NRXN3: variants seen among roughly 807,000 people sequenced by gnomAD.
NRXN3 encodes the protein neurexin 3, also known as neurexin III.
In NRXN3, 32 loss-of-function variants were observed where a neutral mutation model predicts 137.6. The observed-to-expected ratio is 0.23, with a 90% CI of 0.18 to 0.31. NRXN3 has a LOEUF of 0.31. Ranked by LOEUF, NRXN3 falls within the 10% of genes least tolerant of loss-of-function variation. The pLI is 1.00. For synonymous variants in NRXN3, 798 were observed against 784.5 expected (o/e 1.02, Z -0.29); for missense variants, 1,574 against 2,062.5 (o/e 0.76, Z 4.59).
intron 15 of NRXN3, among the ~76,000 whole-genome samples, chr14:79,369,130 A>G (rs1199187260): frequency 1.3e-5 from 2 of 152,230 alleles, no homozygotes; most frequent in Admixed American, 1.3e-4. Context: ...AGTGATGACG[A>G]GCAGTGTGAT....
intron 4 of NRXN3, among the ~76,000 whole-genome samples, chr14:78,628,567 C>G (rs1601592955): frequency 6.6e-6 from 1 of 152,250 alleles, no homozygotes. Context: ...TAACTTAAAG[C>G]CTTCAAGTAA....
intron 15 of NRXN3, among the ~76,000 whole-genome samples, chr14:79,325,587 T>C (rs2090732447): frequency 6.6e-6 from 1 of 152,216 alleles, no homozygotes; most frequent in African/African-American, 2.4e-5. Context: ...GTGGCTATTT[T>C]TAATTTGTCT....
intron 4 of NRXN3, among the ~76,000 whole-genome samples, chr14:78,626,059 T>A (rs1162788039): frequency 6.6e-6 from 1 of 152,166 alleles, no homozygotes; most frequent in African/African-American, 2.4e-5. Context: ...GAATTGGTCA[T>A]TGCCATTATT....
At chr14:79,733,976 A>G (rs1413238633) in intron 19 of NRXN3, among the ~76,000 whole-genome samples, 1 of 152,206 alleles carries the variant, frequency 6.6e-6, no homozygotes, top group Non-Finnish European at 1.5e-5. Context: ...TAGCTTCAGC[A>G]CAGTAAGAGT....
intron 1 of NRXN3, among the ~76,000 whole-genome samples, chr14:78,181,521 GCCTGGCCTGGGTC>G (rs1473613918): frequency 2.6e-5 from 4 of 152,210 alleles, no homozygotes; most frequent in Admixed American, 2.0e-4. Flanking sequence ...AAGCTGGTTT[GCCTGGCCTGGGTC>G]CCTGCTGCCC....
At chr14:79,070,511 T>A (rs1428300205) in intron 15 of NRXN3, among the ~76,000 whole-genome samples, 1 of 152,188 alleles carries the variant, frequency 6.6e-6, no homozygotes, top group African/African-American at 2.4e-5. Flanking sequence ...TTGTCCAATA[T>A]TCCAGCCACA....
chr14:78,933,619 A>G (rs557526506), intron 10 of NRXN3, among the ~76,000 whole-genome samples: 1 of 152,328 alleles, frequency 6.6e-6, no homozygotes, highest in Non-Finnish European at 1.5e-5. Context: ...CAATAATCAA[A>G]TGGTTAAATC....
chr14:78,365,727 C>T lies in NRXN3; in HGVS notation c.757+67867C>T, dbSNP rs934779694. The stretch of plus-strand genomic sequence containing the variant: ...TGAAAACTCAAGGATAGAATATTGT[C>T]GTTAGAATTTGATGTACTGAAGTTT... On this transcript the variant is annotated intron_variant, in intron 4 of 20. Coordinates refer to ENST00000335750, the MANE Select transcript of NRXN3 (RefSeq NM_001330195.2). 5.3e-5 allele frequency among the ~76,000 whole-genome samples: 8 copies of T among 152,226 alleles called. 1 individual carries two copies. Among genetic ancestry groups the T allele is most frequent in the Admixed American group, 2.0e-4 (3 of 15,282 alleles).
At chr14:78,355,595 T>C (rs1043729105) in intron 4 of NRXN3, among the ~76,000 whole-genome samples, 3 of 152,118 alleles carry the variant, frequency 2.0e-5, no homozygotes, top group Non-Finnish European at 4.4e-5. Context: ...ATTTTTGTAT[T>C]TTTTAGTAGA....
At chr14:79,787,796 T>G (rs2099133816) in intron 19 of NRXN3, among the ~76,000 whole-genome samples, 1 of 152,184 alleles carries the variant, frequency 6.6e-6, no homozygotes, top group Admixed American at 6.5e-5. Flanking sequence ...TTAAAAAATT[T>G]TATTCATCCA....
intron 2 of NRXN3, among the ~76,000 whole-genome samples, chr14:78,244,148 G>T (rs574234586): frequency 4.6e-5 from 7 of 152,124 alleles, no homozygotes; most frequent in African/African-American, 1.7e-4. Context: ...TGGGAATTTC[G>T]GCTAGGCAAG....
intron 8 of NRXN3, among the ~76,000 whole-genome samples, chr14:78,747,684 C>T (rs746995928): frequency 2.0e-5 from 3 of 152,130 alleles, no homozygotes; most frequent in Non-Finnish European, 2.9e-5. Flanking sequence ...CTTTTGGTAG[C>T]GCCTTTGCTT....
intron 15 of NRXN3, among the ~76,000 whole-genome samples, chr14:79,317,375 C>T (rs376408211): frequency 2.6e-5 from 4 of 152,182 alleles, no homozygotes; most frequent in South Asian, 2.1e-4. Flanking sequence ...ACTTTGATCA[C>T]GGCCTTGTTG....
At chr14:79,126,415 A>C (rs1482167017) in intron 15 of NRXN3, among the ~76,000 whole-genome samples, 1 of 149,874 alleles carries the variant, frequency 6.7e-6, no homozygotes, top group Admixed American at 6.7e-5. Context: ...ATGAGTGAGA[A>C]TATGCGGTGT....
At chr14:79,537,288 G>C (rs1223988630) in intron 16 of NRXN3, among the ~76,000 whole-genome samples, 2 of 150,852 alleles carry the variant, frequency 1.3e-5, no homozygotes, top group African/African-American at 4.9e-5. Context: ...CGTGTCCTTT[G>C]CCCACTTTTT....
At chr14:78,950,878 G>A (rs964866510) in intron 10 of NRXN3, among the ~76,000 whole-genome samples, 1 of 152,182 alleles carries the variant, frequency 6.6e-6, no homozygotes, top group African/African-American at 2.4e-5. Context: ...AATACCAGAA[G>A]TAGCCTTCTC....
At chr14:79,660,425 C>T (rs979386196) in intron 16 of NRXN3, among the ~76,000 whole-genome samples, 1 of 152,146 alleles carries the variant, frequency 6.6e-6, no homozygotes, top group Non-Finnish European at 1.5e-5. Flanking sequence ...AAAGGATCTC[C>T]ACTGACTTTA....
chr14:78,957,229 C>T lies in NRXN3; in HGVS notation c.2276-13C>T. The T allele has an allele frequency of 6.2e-7, 1 of 1,613,128 alleles. No homozygotes were observed. The highest frequency in any genetic ancestry group is 1.7e-5 in the Admixed American group (1 of 59,884). On this transcript the variant is annotated splice_polypyrimidine_tract_variant and intron_variant, in intron 10 of 20. Transcript: ENST00000335750. ...GAATTGATTCTAACTTTGGCACTTA[C>T]TACCATCCTTAGGCAAAGGACCAGA...
intron 4 of NRXN3, among the ~76,000 whole-genome samples, chr14:78,498,621 C>G (rs866753365): frequency 1.3e-5 from 2 of 152,100 alleles, no homozygotes; most frequent in Non-Finnish European, 2.9e-5. Flanking sequence ...GGTGCATACA[C>G]TTATATTTGT....
Sources: gnomAD v4.1 joint callset for allele counts (sites outside exome capture counted in the v4.1 genomes callset) on GRCh38, gnomAD v4.1.1 for gene constraint, MANE v1.5 for transcripts, NCBI Gene and HGNC (gene_info 2026-07-23, HGNC 2026-07-21) for gene names.